SPP2: variants seen among roughly 807,000 people sequenced by gnomAD.
SPP2 encodes the protein secreted phosphoprotein 24.
A neutral mutation model predicts 28.8 loss-of-function variants in SPP2; 34 were observed. The observed-to-expected ratio is 1.18, with a 90% CI of 0.90 to 1.57. The LOEUF (loss-of-function observed/expected upper bound fraction) is 1.57, where lower values mean the gene tolerates loss of function less well. Ranked by LOEUF, SPP2 falls within the 40% of genes most tolerant of loss-of-function variation. The pLI, the probability that SPP2 is intolerant of heterozygous loss-of-function variation, is 0.00. For synonymous variants in SPP2, 96 were observed against 89.4 expected, an observed-to-expected ratio of 1.07 and a Z score of -0.42; for missense variants, 269 against 263.9, an observed-to-expected ratio of 1.02 and a Z score of -0.13.
chr2:234,074,773 T>C (rs908429257), intron 7 of SPP2, among the ~76,000 whole-genome samples: 1 of 152,202 alleles, frequency 6.6e-6, no homozygotes, highest in African/African-American at 2.4e-5. Context: ...ATAACCTTGC[T>C]TTATGTGTGT....
intron 4 of SPP2, among the ~76,000 whole-genome samples, chr2:234,064,048 C>T (rs757246137): frequency 2.0e-5 from 3 of 152,142 alleles, no homozygotes; most frequent in Non-Finnish European, 2.9e-5. Context: ...AGGGACAACT[C>T]GACTTAGAGT....
At chr2:234,070,063 G>T (rs1693904299) in intron 7 of SPP2, 40 bp downstream of exon 7, 1 of 1,527,616 alleles carries the variant, frequency 6.5e-7, no homozygotes, top group Admixed American at 1.7e-5. Context: ...TTTAGAAATA[G>T]AAGCTACGTG....
At position 234,054,889 on chromosome 2, in the gene SPP2, G is replaced by A. The variant is rs1187032198; in HGVS notation, c.210+3794G>A. On this transcript the variant is annotated intron_variant, in intron 2 of 7. Coordinates refer to ENST00000168148, the MANE Select transcript of SPP2 (RefSeq NM_006944.3). ...AGGTACATTTGGAGGCAAAGCCATG[G>A]AGTTTTGGGATCCTTGAGGTCTCCA... 3.3e-5 allele frequency among the ~76,000 whole-genome samples: 5 copies of A among 152,180 alleles called. 1 individual carries two copies. Among genetic ancestry groups the A allele is most frequent in the Non-Finnish European group, 7.3e-5 (5 of 68,034 alleles).
rs555575893 is a variant in SPP2 at position 234,051,748 on chromosome 2, A to G, written c.210+653A>G. ...TGGAGGTAGGGATGAACATATTTTC[A>G]AGCAAATTTAGGTTAAGGTGGGAGG... On this transcript the variant is annotated intron_variant, in intron 2 of 7. Transcript: ENST00000168148. Among the ~76,000 whole-genome samples the G allele has an allele frequency of 1.6e-4, 24 of 152,284 alleles. 1 individual carries two copies. The South Asian group carries it at 4.8e-3, about 30-fold the overall frequency.
At chr2:234,058,759 G>A (rs1693658136) in intron 2 of SPP2, 77 bp from the exon 3 acceptor site, 11 of 1,483,184 alleles carry the variant, frequency 7.4e-6, no homozygotes, top group Admixed American at 2.0e-5. Flanking sequence ...TTTTCTTATG[G>A]GGTAGAGACA....
chr2:234,059,940 GTTAT>G (rs1301335140), intron 3 of SPP2, among the ~76,000 whole-genome samples: 1 of 152,118 alleles, frequency 6.6e-6, no homozygotes, highest in East Asian at 1.9e-4. Flanking sequence ...TGTTTGATTT[GTTAT>G]TTGTTTCATG....
intron 4 of SPP2, among the ~76,000 whole-genome samples, chr2:234,064,947 T>C (rs975317487): frequency 5.9e-5 from 9 of 152,240 alleles, no homozygotes; most frequent in Non-Finnish European, 1.2e-4. Flanking sequence ...CATTCATTCA[T>C]TGATCGACAT....
At chr2:234,053,898 A>G (rs774095763) in intron 2 of SPP2, among the ~76,000 whole-genome samples, 3 of 150,404 alleles carry the variant, frequency 2.0e-5, no homozygotes, top group Non-Finnish European at 4.4e-5. Flanking sequence ...AGTTTCTACC[A>G]GGGAAAGAGA....
At chr2:234,051,609 G>T (rs1330551581) in intron 2 of SPP2, among the ~76,000 whole-genome samples, 6 of 152,172 alleles carry the variant, frequency 3.9e-5, no homozygotes, top group Non-Finnish European at 8.8e-5. Context: ...TGCAAGGAAA[G>T]AAATGTAAAA....
At position 234,062,780 on chromosome 2, in the gene SPP2, G is replaced by A. The variant is rs1180383047; in HGVS notation, c.444+2301G>A. ...TTAGTAAATGGCCAGCTAAGTTAAC[G>A]CCTCTTCCACCCTGATTTGGAAAGT... On this transcript the variant is annotated intron_variant, in intron 4 of 7. Transcript: ENST00000168148. Among the ~76,000 whole-genome samples the A allele has an allele frequency of 2.0e-5, 3 of 152,108 alleles. No homozygotes were observed. In the South Asian group the frequency reaches 6.2e-4, roughly 31 times the overall value.
At chr2:234,073,952 A>G (rs1039862916) in intron 7 of SPP2, among the ~76,000 whole-genome samples, 2 of 152,200 alleles carry the variant, frequency 1.3e-5, no homozygotes, top group African/African-American at 2.4e-5. Flanking sequence ...GCCCATGAAT[A>G]TTACAGCTCT....
chr2:234,069,840 C>T (rs1168430595), intron 6 of SPP2, 88 bp from the exon 7 acceptor site: 2 of 1,055,190 alleles, frequency 1.9e-6, no homozygotes, highest in African/African-American at 1.6e-5. Context: ...TGTCACAATC[C>T]TCCTCATTAA....
rs1030951873 is a variant in SPP2, at chr2:234,050,777, G to A, written c.-10G>A. ...CATAGAGAGACACTCTCTGTCTCTC[G>A]ATTACAATCATGATTTCCAGAATGG... On this transcript the variant is annotated 5_prime_UTR_variant, in exon 1 of 8. Coordinates refer to ENST00000168148, the MANE Select transcript of SPP2 (RefSeq NM_006944.3). 9 of 1,612,802 alleles carry A rather than the reference G, an allele frequency of 5.6e-6. No individual in the cohort carries two copies. The highest frequency in any genetic ancestry group is 2.7e-5 in the African/African-American group (2 of 74,884).
intron 7 of SPP2, among the ~76,000 whole-genome samples, chr2:234,072,933 G>C (rs1247763616): frequency 6.6e-6 from 1 of 152,096 alleles, no homozygotes; most frequent in Non-Finnish European, 1.5e-5. Context: ...TGTTGCCCAG[G>C]CTGGAGTGCA....
At chr2:234,068,733 G>A (rs1693876160) in intron 6 of SPP2, among the ~76,000 whole-genome samples, 1 of 146,514 alleles carries the variant, frequency 6.8e-6, no homozygotes. Flanking sequence ...TCTCCGTACT[G>A]GTGGCAAACA....
At chr2:234,055,971 A>ATG (rs1330415155) in intron 2 of SPP2, 4 of 152,132 alleles carry the variant, frequency 2.6e-5, no homozygotes, top group Non-Finnish European at 5.9e-5. Context: ...ACATATATAT[A>ATG]CATGTGCTAT....
chr2:234,067,627 A>T (rs945898600), intron 6 of SPP2, among the ~76,000 whole-genome samples: 19 of 151,734 alleles, frequency 1.3e-4, no homozygotes, highest in African/African-American at 4.4e-4. Flanking sequence ...AATACAACAA[A>T]TTAGCCGGGC....
intron 7 of SPP2, among the ~76,000 whole-genome samples, chr2:234,073,736 A>G (rs1690840015): frequency 1.3e-5 from 2 of 152,162 alleles, no homozygotes; most frequent in Admixed American, 6.5e-5. Flanking sequence ...CACCCAAACC[A>G]TAGCTGCATG....
Position 234,060,810 on chromosome 2 carries a change from T to C in SPP2, c.444+331T>C, listed in dbSNP as rs905763580. ...GCACACACACTTGATTTCCCTGGGA[T>C]TGGGAAATGGCCTTCAAGTAAAATT... On this transcript the variant is annotated intron_variant, in intron 4 of 7. Transcript: ENST00000168148. 2.8e-4 allele frequency among the ~76,000 whole-genome samples: 42 copies of C among 151,880 alleles called. 2 individuals are homozygous for C. Among genetic ancestry groups the C allele is most frequent in the Non-Finnish European group, 1.5e-5 (1 of 67,952 alleles).
Sources: allele counts gnomAD v4.1 joint callset (sites outside exome capture counted in the v4.1 genomes callset), GRCh38; gene constraint gnomAD v4.1.1; transcripts MANE v1.5; gene names NCBI Gene and HGNC (gene_info 2026-07-23, HGNC 2026-07-21).